Variants in ASAP2 observed in about 807,000 individuals in gnomAD.
The protein encoded by ASAP2 is ArfGAP with SH3 domain, ankyrin repeat and PH domain 2.
Under a neutral mutation model 131.4 loss-of-function variants are expected in ASAP2, and 45 were observed. The observed-to-expected ratio is 0.34, with a 90% CI of 0.27 to 0.44. ASAP2 has a LOEUF of 0.44. Ranked by LOEUF, ASAP2 falls within the 20% of genes least tolerant of loss-of-function variation. The pLI, the probability that ASAP2 is intolerant of heterozygous loss-of-function variation, is 1.00. For synonymous variants in ASAP2, 510 were observed against 503.0 expected (o/e 1.01, Z -0.19); for missense variants, 1,011 against 1,297.0 (o/e 0.78, Z 3.39).
chr2:9,320,329 A>C lies in ASAP2; in HGVS notation c.462A>C (p.Glu154Asp). Residue 154 changes from glutamate to aspartate, a missense_variant, in exon 5 of 28, where the codon GAA becomes GAC. Around this residue, in one of 2 missense-constraint regions of ASAP2, gnomAD observed 359 missense variants for 598.1 expected, o/e 0.60. Coordinates refer to ENST00000281419, the MANE Select transcript of ASAP2 (RefSeq NM_003887.3). ...TTGATAAAGCTTGGAAGGACTATGA[A>C]ACAAAAATGTGAGTGTTCTCGTTTT... is the stretch of plus-strand genomic sequence containing the variant. ...KPFDKAWKDY[E>D]TKITKIEKEK... is the part of the protein sequence containing the mutation. 6.2e-7 allele frequency: 1 copy of C among 1,608,652 alleles called. No individual in the cohort carries two copies. Among genetic ancestry groups the C allele is most frequent in the Non-Finnish European group, 8.5e-7 (1 of 1,178,300 alleles).
Position 9,323,108 on chromosome 2 carries a change from C to T in ASAP2, c.471-13C>T. 1 of 1,614,014 alleles carries T rather than the reference C, an allele frequency of 6.2e-7. No individual in the cohort carries two copies. ...CAACAGGCATCTTGATGTATCCTTG[C>T]TTTCACACGTAGAACCAAGATAGAA... On this transcript the variant is annotated splice_polypyrimidine_tract_variant and intron_variant, in intron 5 of 27. Coordinates refer to ENST00000281419, the MANE Select transcript of ASAP2 (RefSeq NM_003887.3).
At chr2:9,344,894 G>A (rs1383634247) in intron 11 of ASAP2, 94 bp downstream of exon 11, 55 of 1,045,846 alleles carry the variant, frequency 5.3e-5, no homozygotes, top group African/African-American at 7.9e-5. Context: ...GTTGTTCTCC[G>A]TGTGTGATGG....
At chr2:9,388,198 T>G (rs187740270) in intron 21 of ASAP2, 96 bp from the exon 22 acceptor site, 1 of 1,490,004 alleles carries the variant, frequency 6.7e-7, no homozygotes, top group South Asian at 1.2e-5. Context: ...CCCAGCAGAG[T>G]TGGTGTCAGT....
chr2:9,280,509 A>G (rs921992892), intron 2 of ASAP2, among the ~76,000 whole-genome samples: 9 of 152,206 alleles, frequency 5.9e-5, no homozygotes, highest in Non-Finnish European at 1.3e-4. Context: ...TGCCAAGTGT[A>G]TTTAGGAACA....
Position 9,403,319 on chromosome 2 carries a change from G to T in ASAP2, c.3013G>T (p.Ala1005Ser). The T allele has an allele frequency of 6.2e-7, 1 of 1,613,952 alleles. No individual in the cohort carries two copies. Among genetic ancestry groups the T allele is most frequent in the Non-Finnish European group, 8.5e-7 (1 of 1,179,882 alleles). ...AFPVSFVHFI[A>S]D ...CCCGGTGTCATTTGTGCACTTTATC[G>T]CTGACTGAATTGCTACTGAACAAAA... Residue 1005 changes from alanine (A) to serine (S), a missense_variant, in exon 28 of 28, where the codon GCT (alanine) becomes TCT (serine). Physicochemically the swap from Ala to Ser is moderately conservative, Grantham distance 99 (BLOSUM62 1). Around this residue, in one of 2 missense-constraint regions of ASAP2, gnomAD observed 652 missense variants for 698.9 expected, o/e 0.93. Coordinates refer to ENST00000281419, the MANE Select transcript of ASAP2 (RefSeq NM_003887.3).
chr2:9,209,976 A>C (rs536910183), intron 1 of ASAP2, among the ~76,000 whole-genome samples: 1 of 152,350 alleles, frequency 6.6e-6, no homozygotes, highest in South Asian at 2.1e-4. Flanking sequence ...TTTGATTTGC[A>C]TACTTGTTGC....
chr2:9,323,039 T>G, intron 5 of ASAP2, 82 bp from the exon 6 acceptor site: 1 of 1,554,034 alleles, frequency 6.4e-7, no homozygotes, highest in Non-Finnish European at 8.8e-7. Flanking sequence ...CTCGCCAGGC[T>G]GGGTACTGGG....
chr2:9,224,779 A>T (rs1662651068), intron 1 of ASAP2, among the ~76,000 whole-genome samples: 1 of 152,140 alleles, frequency 6.6e-6, no homozygotes, highest in Non-Finnish European at 1.5e-5. Context: ...CTGTCCATTT[A>T]TCTGTCTCTG....
At chr2:9,386,143 C>CTTT (rs796770791) in intron 21 of ASAP2, among the ~76,000 whole-genome samples, 1 of 143,814 alleles carries the variant, frequency 7.0e-6, no homozygotes, top group Non-Finnish European at 1.5e-5. Context: ...CATGGTTTGG[C>CTTT]TTTTTTTTTT....
chr2:9,304,522 G>A (rs1668701272), intron 3 of ASAP2, among the ~76,000 whole-genome samples: 1 of 145,630 alleles, frequency 6.9e-6, no homozygotes, highest in Admixed American at 6.8e-5. Flanking sequence ...GAGGGCTGTA[G>A]GGGGATGTAC....
At chr2:9,250,603 C>G (rs938199156) in intron 1 of ASAP2, among the ~76,000 whole-genome samples, 1 of 152,110 alleles carries the variant, frequency 6.6e-6, no homozygotes, top group South Asian at 2.1e-4. Flanking sequence ...TGTGCTCTTT[C>G]ATTTAAGCCG....
At chr2:9,305,323 T>G (rs1668811518) in intron 3 of ASAP2, among the ~76,000 whole-genome samples, 1 of 119,744 alleles carries the variant, frequency 8.4e-6, no homozygotes, top group African/African-American at 3.4e-5. Context: ...TAGATGTTGG[T>G]GGAGGGGCTG....
At chr2:9,334,614 T>A (rs1484525699) in intron 7 of ASAP2, 124 bp from the exon 8 acceptor site, 3 of 771,034 alleles carry the variant, frequency 3.9e-6, no homozygotes, top group Non-Finnish European at 6.3e-6. Context: ...GTTCTGTTCA[T>A]ACAGTCTTTT....
intron 9 of ASAP2, 139 bp from the exon 10 acceptor site, chr2:9,344,391 CTG>C: frequency 3.1e-6 from 2 of 636,468 alleles, no homozygotes; most frequent in South Asian, 4.1e-5. Flanking sequence ...CCCTTTTTTG[CTG>C]TGTTGAGAAA....
At chr2:9,287,780 CG>C (rs111850407) in intron 2 of ASAP2, among the ~76,000 whole-genome samples, 30,158 of 152,068 alleles carry the variant, frequency 0.2, 3,413 homozygotes, top group Non-Finnish European at 0.27. Context: ...GCCTTCTCCC[CG>C]CTGCTGGCTA....
At chr2:9,329,851 G>C (rs1270203757) in intron 7 of ASAP2, among the ~76,000 whole-genome samples, 1 of 152,146 alleles carries the variant, frequency 6.6e-6, no homozygotes, top group Non-Finnish European at 1.5e-5. Flanking sequence ...CCTGTCTTCT[G>C]TTCCTCCTAG....
At chr2:9,315,145 T>C (rs1343274511) in intron 3 of ASAP2, among the ~76,000 whole-genome samples, 2 of 151,970 alleles carry the variant, frequency 1.3e-5, no homozygotes, top group Admixed American at 6.6e-5. Flanking sequence ...TTTGGAGAAA[T>C]ATGAAGATGA....
intron 1 of ASAP2, among the ~76,000 whole-genome samples, chr2:9,273,673 A>C (rs1283738444): frequency 6.6e-6 from 1 of 152,196 alleles, no homozygotes; most frequent in Non-Finnish European, 1.5e-5. Context: ...ACTCATAGGC[A>C]GTCAAAACTG....
chr2:9,235,669 G>A (rs1663501034), intron 1 of ASAP2, among the ~76,000 whole-genome samples: 1 of 152,130 alleles, frequency 6.6e-6, no homozygotes, highest in African/African-American at 2.4e-5. Flanking sequence ...ACCACGTCTC[G>A]GGGCCAGGAG....
Sources: allele counts gnomAD v4.1 joint callset (sites outside exome capture counted in the v4.1 genomes callset), GRCh38; gene constraint gnomAD v4.1.1; regional missense constraint gnomAD v4.1.1; transcripts MANE v1.5; gene names NCBI Gene and HGNC (gene_info 2026-07-23, HGNC 2026-07-21).